Variants in LMF1 observed in about 807,000 individuals in gnomAD.
The protein encoded by LMF1 is transmembrane protein 112.
In LMF1, 68 loss-of-function variants were observed where a neutral mutation model predicts 60.6. That is an observed-to-expected ratio of 1.12 (90% CI 0.92 to 1.37). LMF1 has a LOEUF of 1.37. Ranked by LOEUF, LMF1 falls within the 40% of genes most tolerant of loss-of-function variation. The probability of loss-of-function intolerance (pLI) is 0.00; values close to 1 mark genes in which losing one functional copy is unlikely to be tolerated. For synonymous variants in LMF1, 418 were observed against 324.7 expected, an observed-to-expected ratio of 1.29 and a Z score of -3.09; for missense variants, 948 against 767.2, an observed-to-expected ratio of 1.24 and a Z score of -2.78.
intron 1 of LMF1, among the ~76,000 whole-genome samples, chr16:963,050 C>T (rs776078178): frequency 5.3e-5 from 8 of 151,750 alleles, no homozygotes; most frequent in African/African-American, 9.7e-5. Context: ...TGGACACAGG[C>T]GGGCACGGGA....
At chr16:920,836 G>A (rs1012067285) in intron 3 of LMF1, among the ~76,000 whole-genome samples, 11 of 152,342 alleles carry the variant, frequency 7.2e-5, no homozygotes, top group African/African-American at 2.6e-4. Flanking sequence ...CGTCCAAAAC[G>A]AGGGACAGAT....
At position 970,928 on chromosome 16, in the gene LMF1, C is replaced by T; in HGVS notation, c.53G>A (p.Arg18Gln). 6.4e-7 allele frequency: 1 copy of T among 1,570,010 alleles called. No individual in the cohort carries two copies. The highest frequency in any genetic ancestry group is 8.7e-7 in the Non-Finnish European group (1 of 1,155,720). The change falls in exon 1 of 11, where the codon CGG becomes CAG. Residue 18 changes from arginine to glutamine, a missense_variant. By Grantham distance (43) the Arg-to-Gln change is conservative. Transcript: ENST00000262301. The stretch of plus-strand genomic sequence containing the variant: ...CTCCGGATCCGAGTACCCAGTCTTC[C>T]GCCTCCTCAGCGACTCCGCGGGCGC... ...MAAPAESLRRRKTGYSDPEPE... is the reference protein window; with the variant it reads ...MAAPAESLRRQKTGYSDPEPE...
intron 4 of LMF1, among the ~76,000 whole-genome samples, chr16:896,798 T>A (rs1487260216): frequency 6.6e-6 from 1 of 152,198 alleles, no homozygotes; most frequent in Non-Finnish European, 1.5e-5. Flanking sequence ...AATTAAAATG[T>A]CATTCAAATT....
intron 10 of LMF1, among the ~76,000 whole-genome samples, chr16:867,389 G>A (rs1219931122): frequency 6.6e-6 from 1 of 152,212 alleles, no homozygotes; most frequent in Non-Finnish European, 1.5e-5. Context: ...ACCTGACGAT[G>A]GCAAACCTTC....
intron 3 of LMF1, chr16:931,753 C>T (rs1313233511): frequency 3.1e-6 from 4 of 1,287,114 alleles, no homozygotes; most frequent in Non-Finnish European, 4.0e-6. Flanking sequence ...TACGAGTCTT[C>T]TGAATTTCTG....
intron 10 of LMF1, among the ~76,000 whole-genome samples, chr16:859,213 G>A (rs2069338291): frequency 7.5e-6 from 1 of 133,504 alleles, no homozygotes. Context: ...GGTGTCTCGG[G>A]ACGGGTGTGC....
At position 858,809 on chromosome 16, in the gene LMF1, TCGGGACGGGTGTGAGTGGTGTCA is replaced by T. The variant is rs1193366609; in HGVS notation, c.1530-4126_1530-4104del. ...TCACGGGACGGGTGTGAGTGGTGTC[TCGGGACGGGTGTGAGTGGTGTCA>T]CGGGACGGGTGTGAGTGGTGTCACG... is the stretch of plus-strand genomic sequence containing the variant. On this transcript the variant is annotated intron_variant, in intron 10 of 10. Coordinates refer to ENST00000262301, the MANE Select transcript of LMF1 (RefSeq NM_022773.4). Among the ~76,000 whole-genome samples, 150 of 20,608 alleles carry T rather than the reference TCGGGACGGGTGTGAGTGGTGTCA, an allele frequency of 7.3e-3. 11 individuals carry two copies. Among genetic ancestry groups the T allele is most frequent in the African/African-American group, 0.014 (43 of 3,176 alleles). 13.5% of individuals were successfully genotyped at this position (20,608 alleles called of 152,430 possible). A position where few individuals can be genotyped will look rare whatever the true frequency, so the allele number is the denominator to read the frequency against.
chr16:929,935 C>G (rs527654887), intron 3 of LMF1, among the ~76,000 whole-genome samples: 20 of 150,212 alleles, frequency 1.3e-4, no homozygotes, highest in African/African-American at 4.7e-4. Flanking sequence ...CCCTGGGACA[C>G]AGAGCCCAGG....
chr16:934,421 T>C, intron 2 of LMF1, 167 bp from the exon 3 acceptor site: 1 of 743,200 alleles, frequency 1.3e-6, no homozygotes. Context: ...CAGGAGCCCC[T>C]CCCCACGGCT....
In LMF1 at chr16:854,720, C is replaced by T; in HGVS notation, c.1530-14G>A. On this transcript the variant is annotated splice_polypyrimidine_tract_variant and intron_variant, in intron 10 of 10. Transcript: ENST00000262301. ...CCTCGGACCCACCTGCAAGGGGGCA[C>T]ATGTCAGCCCAGGGCCTGCTGGGAC... 6.4e-7 allele frequency: 1 copy of T among 1,572,824 alleles called. No individual in the cohort carries two copies. The highest frequency in any genetic ancestry group is 8.6e-7 in the Non-Finnish European group (1 of 1,166,006).
intron 6 of LMF1, among the ~76,000 whole-genome samples, chr16:876,372 G>C (rs937859009): frequency 1.3e-5 from 2 of 152,228 alleles, no homozygotes; most frequent in African/African-American, 4.8e-5. Context: ...GACTCTGCAT[G>C]AAGCTGTGAT....
At chr16:933,916 A>C in intron 3 of LMF1, 2 of 1,308,414 alleles carry the variant, frequency 1.5e-6, no homozygotes, top group Non-Finnish European at 2.0e-6. Flanking sequence ...CGAGGGGCAC[A>C]CAGCCTTGAG....
chr16:946,038 A>C (rs2072231103), intron 2 of LMF1, among the ~76,000 whole-genome samples: 1 of 152,214 alleles, frequency 6.6e-6, no homozygotes, highest in Non-Finnish European at 1.5e-5. Context: ...AAAACAAGCT[A>C]ATGGTGGACA....
At chr16:871,127 C>T (rs771062895) in intron 7 of LMF1, 34 bp downstream of exon 7, 1 of 1,526,950 alleles carries the variant, frequency 6.5e-7, no homozygotes, top group Non-Finnish European at 8.8e-7. Context: ...CTTTCTCCTG[C>T]CCTTGGGCAG....
At chr16:934,543 A>T in intron 2 of LMF1, 2 of 431,826 alleles carry the variant, frequency 4.6e-6, no homozygotes, top group South Asian at 5.1e-5. Context: ...ATTAATACTT[A>T]TTTTTTTGCA....
intron 1 of LMF1, chr16:980,268 G>GC (rs1289773266): frequency 6.3e-6 from 1 of 158,348 alleles, no homozygotes; most frequent in Non-Finnish European, 1.4e-5. Flanking sequence ...AGCAGCAAGG[G>GC]CCCCGGGGTC....
At chr16:899,383 C>T (rs919489740) in intron 4 of LMF1, 2 of 152,378 alleles carry the variant, frequency 1.3e-5, no homozygotes, top group Non-Finnish European at 2.9e-5. Context: ...GCATGTCGCC[C>T]TGAAGCCGAT....
At chr16:926,683 A>G (rs531041427) in intron 3 of LMF1, among the ~76,000 whole-genome samples, 25 of 152,356 alleles carry the variant, frequency 1.6e-4, no homozygotes, top group Non-Finnish European at 3.2e-4. Flanking sequence ...TGTGTGAAGA[A>G]GGTGGAACCC....
At chr16:971,032 CCAT>C (rs1315720646), upstream of LMF1, 16 of 1,368,534 alleles carry the variant, frequency 1.2e-5, no homozygotes, top group African/African-American at 1.7e-4. Flanking sequence ...GAGGCCCCGC[CCAT>C]TCTCGGAGGC....
Sources: allele counts gnomAD v4.1 joint callset (sites outside exome capture counted in the v4.1 genomes callset), GRCh38; gene constraint gnomAD v4.1.1; transcripts MANE v1.5; gene names NCBI Gene and HGNC (gene_info 2026-07-23, HGNC 2026-07-21).